IGDCC3: variants seen among roughly 807,000 people sequenced by gnomAD.
IGDCC3 encodes putative neuronal cell adhesion molecule.
A neutral mutation model predicts 72.0 loss-of-function variants in IGDCC3; 47 were observed. That is an observed-to-expected ratio of 0.65 (90% CI 0.52 to 0.83). IGDCC3 has a LOEUF of 0.83. Among genes scored for constraint, IGDCC3 ranks in the 40% least tolerant of loss-of-function variants. The pLI is 0.00. For synonymous variants in IGDCC3, 477 were observed against 472.8 expected, an observed-to-expected ratio of 1.01 and a Z score of -0.11; for missense variants, 1,038 against 1,091.3, an observed-to-expected ratio of 0.95 and a Z score of 0.69.
In IGDCC3 at chr15:65,367,071, C is replaced by T. The variant is rs375760840; in HGVS notation, c.409+8026G>A. On this transcript the variant is annotated intron_variant, in intron 2 of 13. Transcript: ENST00000327987. The stretch of plus-strand genomic sequence containing the variant: ...AGAAAACTATGGCCCAGGCCGGGTG[C>T]GGTGGCTCACGCCTGTAATCCCAGC... Among the ~76,000 whole-genome samples the T allele has an allele frequency of 2.8e-4, 42 of 152,226 alleles. No homozygotes were observed. In the East Asian group the frequency reaches 4.3e-3, roughly 15 times the overall value.
In IGDCC3 at chr15:65,333,398, C is replaced by T. The variant is rs1174275467; in HGVS notation, c.841G>A (p.Val281Met). The change falls in exon 6 of 14, where the codon GTG becomes ATG. Residue 281 changes from valine to methionine, a missense_variant. Transcript: ENST00000327987. ...GTGCCCAGCACCTGGATGCCCTCCA[C>T]CCCGATAGGGCGACCATCTGCAGAG... is the stretch of plus-strand genomic sequence containing the variant. ...WSRLDGRPIGVEGIQVLGTGN... is the reference protein window; with the variant it reads ...WSRLDGRPIGMEGIQVLGTGN... 2.0e-5 allele frequency: 32 copies of T among 1,606,438 alleles called. No homozygotes were observed. The highest frequency in any genetic ancestry group is 2.6e-5 in the Non-Finnish European group (31 of 1,176,368).
At chr15:65,356,743 TTATC>T (rs1383100544) in intron 2 of IGDCC3, among the ~76,000 whole-genome samples, 1 of 151,956 alleles carries the variant, frequency 6.6e-6, no homozygotes, top group Admixed American at 6.6e-5. Context: ...AGGAAGTGTC[TTATC>T]TTTCTGTGCT....
rs1177024140 is a variant in IGDCC3, at chr15:65,355,656, T to TC, written c.409+19440dup. 33 of 211,724 alleles carry TC rather than the reference T, an allele frequency of 1.6e-4. 3 individuals carry two copies. The highest frequency in any genetic ancestry group is 3.4e-4 in the South Asian group (11 of 32,012). The allele number at this position is 211,724 out of a possible 1,614,324, so 13.1% of individuals were successfully genotyped here. A position where few individuals can be genotyped will look rare whatever the true frequency, so the allele number is the denominator to read the frequency against. ...CGGCTAATCCCCGCCGACGCGGGCG[T>TC]CCCGCCCCCCCGCCCCTCCCGCATA... On this transcript the variant is annotated intron_variant, in intron 2 of 13. Coordinates refer to ENST00000327987, the MANE Select transcript of IGDCC3 (RefSeq NM_004884.4).
At chr15:65,362,058 G>C (rs1212384139) in intron 2 of IGDCC3, among the ~76,000 whole-genome samples, 3 of 151,864 alleles carry the variant, frequency 2.0e-5, no homozygotes. Context: ...TGACAAGAGC[G>C]CTATTCTCAA....
In IGDCC3 at chr15:65,335,409, C is replaced by T. The variant is rs1166565442; in HGVS notation, c.567G>A (p.Leu189=). The T allele has an allele frequency of 5.0e-6, 8 of 1,611,410 alleles. No individual in the cohort carries two copies. The highest frequency in any genetic ancestry group is 1.3e-5 in the African/African-American group (1 of 74,786). ...IDTDNERYTL[L]PKGVLQITGL... The stretch of plus-strand genomic sequence containing the variant: ...CTGTGATCTGCAGGACCCCCTTGGG[C>T]AGCAATGTGTACCTGTTGAGGGGAG... The change falls in exon 4 of 14, where the codon CTG becomes CTA. Residue 189 remains leucine (L), a synonymous_variant. Coordinates refer to ENST00000327987, the MANE Select transcript of IGDCC3 (RefSeq NM_004884.4).
Position 65,331,578 on chromosome 15 carries a change from C to T in IGDCC3, c.1230G>A (p.Gln410=). ...CVAENSAGSS[Q]ASARLTVLWA... ...ACAGTACGGTCAGCCTGGCACTGGC[C>T]TGTGATGAGCCCGCACTGTTCTCGG... Residue 410 remains glutamine (Q), a synonymous_variant, in exon 8 of 14, where the codon CAG becomes CAA. Coordinates refer to ENST00000327987, the MANE Select transcript of IGDCC3 (RefSeq NM_004884.4). 1 of 1,613,770 alleles carries T rather than the reference C, an allele frequency of 6.2e-7. No homozygotes were observed.
At chr15:65,368,865 C>CA in intron 2 of IGDCC3, among the ~76,000 whole-genome samples, 1 of 152,150 alleles carries the variant, frequency 6.6e-6, no homozygotes, top group East Asian at 1.9e-4. Context: ...GGGTGGGGAG[C>CA]AAAAGAGAAG....
chr15:65,345,588 ACGC>A (rs1401289423), intron 2 of IGDCC3, among the ~76,000 whole-genome samples: 4 of 151,348 alleles, frequency 2.6e-5, no homozygotes, highest in Non-Finnish European at 1.5e-5. Flanking sequence ...ACGCACACAC[ACGC>A]ATGCACACAC....
rs537476210 is a variant in IGDCC3 at position 65,359,891 on chromosome 15, T to G, written c.409+15206A>C. Among the ~76,000 whole-genome samples, 14 of 152,218 alleles carry G rather than the reference T, an allele frequency of 9.2e-5. No homozygotes were observed. In the East Asian group the frequency reaches 2.7e-3, roughly 29 times the overall value. Reference sequence around the variant, plus strand: ...TTCAGGAGTAATATCTGATTCAGCTTCATCTGCCCTCCCCCAATCCCAGCT... The same window carrying G: ...TTCAGGAGTAATATCTGATTCAGCTGCATCTGCCCTCCCCCAATCCCAGCT... On this transcript the variant is annotated intron_variant, in intron 2 of 13. Coordinates refer to ENST00000327987, the MANE Select transcript of IGDCC3 (RefSeq NM_004884.4).
chr15:65,368,849 G>C (rs60190467), intron 2 of IGDCC3, among the ~76,000 whole-genome samples: 23,754 of 152,036 alleles, frequency 0.16, 2,270 homozygotes, highest in East Asian at 0.49. Flanking sequence ...AATTACAAGG[G>C]GGGTGGGGTG....
At chr15:65,350,805 C>T (rs747341788) in intron 2 of IGDCC3, among the ~76,000 whole-genome samples, 5 of 152,116 alleles carry the variant, frequency 3.3e-5, no homozygotes, top group South Asian at 2.1e-4. Context: ...GTGTCCTGGG[C>T]GAGGCTCTAT....
At chr15:65,370,948 G>A (rs1031329205) in intron 2 of IGDCC3, among the ~76,000 whole-genome samples, 2 of 152,124 alleles carry the variant, frequency 1.3e-5, no homozygotes, top group Non-Finnish European at 1.5e-5. Flanking sequence ...AGAAGCCAAG[G>A]CTCAGAGAGG....
chr15:65,377,930 G>C lies in IGDCC3; in HGVS notation c.-142C>G. The C allele has an allele frequency of 1.3e-6, 1 of 773,538 alleles. No homozygotes were observed. The highest frequency in any genetic ancestry group is 1.6e-6 in the Non-Finnish European group (1 of 630,568). 47.9% of individuals were successfully genotyped at this position (773,538 alleles called of 1,614,324 possible). A position where few individuals can be genotyped will look rare whatever the true frequency, so the allele number is the denominator to read the frequency against. The stretch of plus-strand genomic sequence containing the variant: ...AGGCGGTGGGGGACTGGGGCCGCAT[G>C]CCTGCTCAGCAGCGCGGGGGGCGCA... On this transcript the variant is annotated 5_prime_UTR_variant, in exon 1 of 14. Coordinates refer to ENST00000327987, the MANE Select transcript of IGDCC3 (RefSeq NM_004884.4). The surrounding 1 kb of genome is among the most constrained non-coding windows in gnomAD (Gnocchi z 4.9).
At chr15:65,336,068 G>A in intron 2 of IGDCC3, 112 bp from the exon 3 acceptor site, 1 of 1,137,358 alleles carries the variant, frequency 8.8e-7, no homozygotes, top group Non-Finnish European at 1.3e-6. Context: ...TCCATCCAGG[G>A]GCAGGAGTTT....
intron 2 of IGDCC3, among the ~76,000 whole-genome samples, chr15:65,366,608 G>A (rs2091289245): frequency 6.6e-6 from 1 of 151,844 alleles, no homozygotes; most frequent in African/African-American, 2.4e-5. Flanking sequence ...AGAGAGAAGG[G>A]CGGGTGGAGC....
chr15:65,346,676 C>G (rs2091127541), intron 2 of IGDCC3, among the ~76,000 whole-genome samples: 1 of 152,224 alleles, frequency 6.6e-6, no homozygotes, highest in African/African-American at 2.4e-5. Context: ...CCAGGCTGGT[C>G]TTGAACTCCT....
intron 2 of IGDCC3, among the ~76,000 whole-genome samples, chr15:65,338,469 C>T (rs1249953904): frequency 6.6e-6 from 1 of 152,178 alleles, no homozygotes; most frequent in African/African-American, 2.4e-5. Context: ...GCAGAGTGGA[C>T]TGCATGCTGG....
chr15:65,334,588 G>A, intron 5 of IGDCC3, 140 bp downstream of exon 5: 1 of 800,026 alleles, frequency 1.2e-6, no homozygotes, highest in Non-Finnish European at 1.9e-6. Context: ...CCTCTTCCCA[G>A]GTCACAGGGA....
At chr15:65,336,802 C>T (rs1184827394) in intron 2 of IGDCC3, among the ~76,000 whole-genome samples, 1 of 152,068 alleles carries the variant, frequency 6.6e-6, no homozygotes, top group African/African-American at 2.4e-5. Context: ...TGCCCACCCC[C>T]GTTTCCACCC....
Sources: gnomAD v4.1 joint callset for allele counts (sites outside exome capture counted in the v4.1 genomes callset) on GRCh38, gnomAD v4.1.1 for gene constraint, Gnocchi (gnomAD v3.1) non-coding constraint, MANE v1.5 for transcripts, NCBI Gene and HGNC (gene_info 2026-07-23, HGNC 2026-07-21) for gene names.